Variants in TASP1 observed in about 807,000 individuals in gnomAD.
The protein encoded by TASP1 is threonine aspartase 1.
Under a neutral mutation model 56.6 loss-of-function variants are expected in TASP1, and 16 were observed. The ratio of observed to expected loss-of-function variants is 0.28; its 90% confidence interval spans 0.19 to 0.43. TASP1 has a LOEUF of 0.43. Among genes scored for constraint, TASP1 ranks in the 20% least tolerant of loss-of-function variants. The pLI is 1.00. For synonymous variants in TASP1, 179 were observed against 184.2 expected, an observed-to-expected ratio of 0.97 and a Z score of 0.23; for missense variants, 393 against 511.6, an observed-to-expected ratio of 0.77 and a Z score of 2.24.
chr20:13,516,658 G>GTTTTTTTTTTTTTTTTTTTTTTT, intron 10 of TASP1, among the ~76,000 whole-genome samples: 1 of 124,850 alleles, frequency 8.0e-6, no homozygotes, highest in Non-Finnish European at 1.7e-5. Flanking sequence ...TTACGCCTTT[G>GTTTTTTTTTTTTTTTTTTTTTTT]TTTTTTTTTT....
chr20:13,279,451 C>T, the TASP1 span, among the ~76,000 whole-genome samples: 22,148 of 152,152 alleles, frequency 0.15, 3,228 homozygotes, highest in African/African-American at 0.37. Flanking sequence ...TTCCATCTAG[C>T]CGTGGAATTC....
chr20:13,199,323 C>T, the TASP1 span, among the ~76,000 whole-genome samples: 1 of 151,962 alleles, frequency 6.6e-6, no homozygotes, highest in East Asian at 1.9e-4. Context: ...TGAATAATAA[C>T]ATGCATCATT....
In TASP1 at chr20:13,585,579, A is replaced by G. The variant is rs550534995; in HGVS notation, c.403+1671T>C. Among the ~76,000 whole-genome samples the G allele has an allele frequency of 2.0e-5, 3 of 150,648 alleles. No individual in the cohort carries two copies. The East Asian group carries it at 5.9e-4, about 30-fold the overall frequency. On this transcript the variant is annotated intron_variant, in intron 5 of 13. Coordinates refer to ENST00000337743, the MANE Select transcript of TASP1 (RefSeq NM_017714.3). The stretch of plus-strand genomic sequence containing the variant: ...GGCTATCTAAATGGTCAAAAAGCAT[A>G]TGAAAAGGCTCTTATAAGTCACTAG...
chr20:13,318,103 C>A, the TASP1 span, among the ~76,000 whole-genome samples: 1 of 140,734 alleles, frequency 7.1e-6, no homozygotes, highest in Non-Finnish European at 1.6e-5. Context: ...CACAAACAAC[C>A]CGATTCTTTA....
chr20:13,304,259 T>TCCAGGAA, the TASP1 span, among the ~76,000 whole-genome samples: 1 of 152,128 alleles, frequency 6.6e-6, no homozygotes, highest in African/African-American at 2.4e-5. Context: ...CAGAGATGGC[T>TCCAGGAA]GCATGAGCAC....
At chr20:13,107,622 G>A in the TASP1 span, among the ~76,000 whole-genome samples, 2 of 152,120 alleles carry the variant, frequency 1.3e-5, no homozygotes, top group African/African-American at 4.8e-5. Context: ...AAGGAAAGTG[G>A]CATGAAATAA....
chr20:13,224,870 C>G, the TASP1 span, among the ~76,000 whole-genome samples: 90,406 of 136,890 alleles, frequency 0.66, 30,181 homozygotes, highest in East Asian at 1. Flanking sequence ...TTTTGAGACG[C>G]AGTCTTGCTC....
the TASP1 span, among the ~76,000 whole-genome samples, chr20:13,111,350 T>C: frequency 6.6e-6 from 1 of 152,170 alleles, no homozygotes; most frequent in African/African-American, 2.4e-5. Flanking sequence ...GGTGAGCTTG[T>C]CCTTGCCCCA....
chr20:13,607,150 T>A (rs1459479097), intron 4 of TASP1, among the ~76,000 whole-genome samples: 1 of 152,206 alleles, frequency 6.6e-6, no homozygotes, highest in African/African-American at 2.4e-5. Context: ...CCAAAATATA[T>A]TTTAAACTTA....
chr20:13,487,607 G>C (rs2043373512), intron 10 of TASP1, among the ~76,000 whole-genome samples: 1 of 152,020 alleles, frequency 6.6e-6, no homozygotes, highest in African/African-American at 2.4e-5. Flanking sequence ...CATGCTCAAA[G>C]ATAATACATG....
At chr20:13,160,235 T>G in the TASP1 span, 3 of 1,382,696 alleles carry the variant, frequency 2.2e-6, no homozygotes, top group Non-Finnish European at 2.9e-6. Context: ...TCTCTTGGGT[T>G]ATTTAGGAAA....
chr20:13,393,114 A>C, intron 13 of TASP1: 1 of 636,810 alleles, frequency 1.6e-6, no homozygotes, highest in South Asian at 1.5e-5. Flanking sequence ...CAAGATCGTC[A>C]GCAATGCCTC....
the TASP1 span, among the ~76,000 whole-genome samples, chr20:13,360,797 T>C: frequency 4.6e-5 from 7 of 152,330 alleles, no homozygotes; most frequent in African/African-American, 1.7e-4. Context: ...TGGCCCAGAC[T>C]TCAATCCGGC....
At chr20:13,117,468 G>T in the TASP1 span, 7 of 1,526,476 alleles carry the variant, frequency 4.6e-6, no homozygotes, top group South Asian at 1.3e-5. Flanking sequence ...TCCCAGGAGG[G>T]TATTTGTTAG....
At chr20:13,516,644 G>A (rs1166964265) in intron 10 of TASP1, among the ~76,000 whole-genome samples, 1 of 144,774 alleles carries the variant, frequency 6.9e-6, no homozygotes, top group Non-Finnish European at 1.5e-5. Context: ...CTCATCACTT[G>A]ATCTTACGCC....
the TASP1 span, chr20:13,154,048 G>A: frequency 6.2e-7 from 1 of 1,614,126 alleles, no homozygotes; most frequent in Admixed American, 1.7e-5. Context: ...AGATACTTCA[G>A]ACAAAGACTG....
At chr20:13,498,331 TTGTGTGTGTGTGTGTGTGTGTGTG>T (rs60099056) in intron 10 of TASP1, among the ~76,000 whole-genome samples, 38 of 135,006 alleles carry the variant, frequency 2.8e-4, no homozygotes, top group Non-Finnish European at 7.8e-5. Flanking sequence ...TTCTTTTCTT[TTGTGTGTGTGTGTGTGTGTGTGTG>T]TGTGTGTGTG....
At chr20:13,221,219 A>C in the TASP1 span, among the ~76,000 whole-genome samples, 6,332 of 81,958 alleles carry the variant, frequency 0.077, 348 homozygotes, top group African/African-American at 0.12. Flanking sequence ...AAGCCCTCCT[A>C]CTCCTCCTCC....
chr20:13,294,774 G>A, the TASP1 span, among the ~76,000 whole-genome samples: 658 of 152,304 alleles, frequency 4.3e-3, 5 homozygotes, highest in African/African-American at 0.015. Context: ...ACTCTTGGGT[G>A]CACCCTCTAG....
Sources: allele counts gnomAD v4.1 joint callset (sites outside exome capture counted in the v4.1 genomes callset), GRCh38; gene constraint gnomAD v4.1.1; transcripts MANE v1.5; gene names NCBI Gene and HGNC (gene_info 2026-07-23, HGNC 2026-07-21).